Variants in CA5A observed in about 807,000 individuals in gnomAD.
CA5A encodes carbonic anhydrase 5A, mitochondrial.
A neutral mutation model predicts 37.1 loss-of-function variants in CA5A; 28 were observed. That is an observed-to-expected ratio of 0.75 (90% CI 0.56 to 1.03). The LOEUF (loss-of-function observed/expected upper bound fraction) is 1.03. CA5A is among the 50% of genes least tolerant of loss of function. The pLI is 0.00. For synonymous variants in CA5A, 171 were observed against 158.4 expected, an observed-to-expected ratio of 1.08 and a Z score of -0.60; for missense variants, 444 against 399.9, an observed-to-expected ratio of 1.11 and a Z score of -0.94.
intron 1 of CA5A, among the ~76,000 whole-genome samples, chr16:87,930,506 A>T (rs140148272): frequency 6.6e-6 from 1 of 152,086 alleles, no homozygotes; most frequent in Admixed American, 6.6e-5. Flanking sequence ...AATCCCATCA[A>T]CATCAGACCC....
At position 87,892,054 on chromosome 16, in the gene CA5A, G is replaced by A. The variant is rs1288984508; in HGVS notation, c.619-100C>T. On this transcript the variant is annotated intron_variant, in intron 5 of 6. Coordinates refer to ENST00000649794, the MANE Select transcript of CA5A (RefSeq NM_001739.2). ...AGGCCTTCATGGTGCTTGGAAGGAA[G>A]TGCTTTCCCCCAGATAAGGCCATGA... The A allele has an allele frequency of 2.8e-5, 32 of 1,160,934 alleles. 1 individual carries two copies. In the Admixed American group the frequency reaches 1.1e-3, roughly 41 times the overall value. 71.9% of individuals were successfully genotyped at this position (1,160,934 alleles called of 1,614,324 possible).
chr16:87,931,648 G>T (rs1257735373), intron 1 of CA5A, among the ~76,000 whole-genome samples: 1 of 152,172 alleles, frequency 6.6e-6, no homozygotes, highest in Admixed American at 6.5e-5. Flanking sequence ...GCCTTCCCAC[G>T]CATGATAGAC....
chr16:87,920,405 T>C (rs913658720), intron 2 of CA5A, among the ~76,000 whole-genome samples: 2 of 151,810 alleles, frequency 1.3e-5, no homozygotes, highest in Non-Finnish European at 2.9e-5. Flanking sequence ...CTCCGCCTCC[T>C]GGGTTCAAGC....
intron 2 of CA5A, among the ~76,000 whole-genome samples, chr16:87,914,242 C>T (rs371940001): frequency 1.6e-4 from 25 of 152,338 alleles, no homozygotes; most frequent in African/African-American, 4.6e-4. Context: ...GAGGAAGTCA[C>T]GGGTGACCAT....
chr16:87,916,521 G>A (rs2056145445), intron 2 of CA5A, among the ~76,000 whole-genome samples: 1 of 152,132 alleles, frequency 6.6e-6, no homozygotes, highest in Non-Finnish European at 1.5e-5. Flanking sequence ...CTCCCTCAGT[G>A]GAGTCACCGC....
chr16:87,921,748 C>T (rs4074725), intron 2 of CA5A, among the ~76,000 whole-genome samples: 61,864 of 152,046 alleles, frequency 0.41, 13,386 homozygotes, highest in Non-Finnish European at 0.46. Context: ...CACGGACTGG[C>T]GGGATCAGCG....
rs189218958 is a variant in CA5A, at chr16:87,902,026, G to C, written c.556-52C>G. 2.7e-6 allele frequency: 4 copies of C among 1,483,720 alleles called. No homozygotes were observed. In the African/African-American group the frequency reaches 5.5e-5, roughly 21 times the overall value. The allele number at this position is 1,483,720 out of a possible 1,614,324, so 91.9% of individuals were successfully genotyped here. On this transcript the variant is annotated intron_variant, in intron 4 of 6. Coordinates refer to ENST00000649794, the MANE Select transcript of CA5A (RefSeq NM_001739.2). ...GCTGCAAAGGCAGTGGATGGGGGGG[G>C]AAGCTCACTCCACTGTAAATACACC...
At chr16:87,918,274 G>A (rs8054534) in intron 2 of CA5A, among the ~76,000 whole-genome samples, 1,881 of 152,342 alleles carry the variant, frequency 0.012, 40 homozygotes, top group African/African-American at 0.043. Context: ...TTTAGGGAAT[G>A]AGCTGAGCTG....
rs1485200216 is a variant in CA5A at position 87,899,796 on chromosome 16, G to A, written c.618+2116C>T. Among the ~76,000 whole-genome samples the A allele has an allele frequency of 4.6e-5, 7 of 150,556 alleles. No homozygotes were observed. In the East Asian group the frequency reaches 8.0e-4, roughly 17 times the overall value. On this transcript the variant is annotated intron_variant, in intron 5 of 6. Transcript: ENST00000649794. ...TTAGCCAGGCATGGTGGTGGGCGCC[G>A]GTACTTCCAGCTACTCATGAGGTTG...
intron 5 of CA5A, chr16:87,893,699 A>G (rs2055759384): frequency 3.8e-6 from 2 of 532,688 alleles, no homozygotes; most frequent in East Asian, 9.5e-5. Flanking sequence ...TCCAGTTTAA[A>G]GGCAGATTTG....
At chr16:87,930,296 G>C (rs1158807422) in intron 1 of CA5A, among the ~76,000 whole-genome samples, 2 of 152,166 alleles carry the variant, frequency 1.3e-5, no homozygotes, top group African/African-American at 4.8e-5. Flanking sequence ...GCAGAGGGCC[G>C]GGGGCTGGAG....
At chr16:87,907,329 G>T (rs913046832) in intron 2 of CA5A, among the ~76,000 whole-genome samples, 2 of 152,124 alleles carry the variant, frequency 1.3e-5, no homozygotes, top group African/African-American at 4.8e-5. Flanking sequence ...CTTCTGCCTC[G>T]GCCTGTGTCT....
rs183774095 is a variant in CA5A at position 87,935,133 on chromosome 16, A to G, written c.142+1176T>C. Among the ~76,000 whole-genome samples the G allele has an allele frequency of 9.8e-5, 15 of 152,362 alleles. No homozygotes were observed. The East Asian group carries it at 2.9e-3, about 29-fold the overall frequency. ...CCTCAGCAAGCGTCAGTCGGACTGC[A>G]TGCCTGGGGTCTGGCTCCTAAGCCC... On this transcript the variant is annotated intron_variant, in intron 1 of 6. Coordinates refer to ENST00000649794, the MANE Select transcript of CA5A (RefSeq NM_001739.2).
intron 5 of CA5A, among the ~76,000 whole-genome samples, chr16:87,892,732 G>C (rs2055740368): frequency 6.8e-6 from 1 of 146,864 alleles, no homozygotes; most frequent in African/African-American, 2.5e-5. Flanking sequence ...GGAGTGCAAT[G>C]GTGTGATCTT....
chr16:87,892,434 C>T lies in CA5A; in HGVS notation c.619-480G>A, dbSNP rs2055731316. 2.0e-5 allele frequency among the ~76,000 whole-genome samples: 3 copies of T among 149,868 alleles called. No homozygotes were observed. The South Asian group carries it at 6.4e-4, about 32-fold the overall frequency. On this transcript the variant is annotated intron_variant, in intron 5 of 6. Coordinates refer to ENST00000649794, the MANE Select transcript of CA5A (RefSeq NM_001739.2). Reference sequence around the variant, plus strand: ...CTGAGGCAGGAGAATCGCTTGAGCCCAGGAGGCAGAGGTTGCAGTGAGCCG... The same window carrying T: ...CTGAGGCAGGAGAATCGCTTGAGCCTAGGAGGCAGAGGTTGCAGTGAGCCG...
chr16:87,919,018 G>A (rs1349070631), intron 2 of CA5A, among the ~76,000 whole-genome samples: 1 of 152,242 alleles, frequency 6.6e-6, no homozygotes, highest in Admixed American at 6.5e-5. Context: ...AGCCAAAGGA[G>A]GGATGACCCA....
At chr16:87,931,727 C>G (rs1004151263) in intron 1 of CA5A, among the ~76,000 whole-genome samples, 36 of 152,168 alleles carry the variant, frequency 2.4e-4, no homozygotes, top group Non-Finnish European at 4.4e-4. Context: ...ACAGAACTCG[C>G]TAAGTGCCGG....
chr16:87,887,479 A>G (rs1665417082), downstream of CA5A: 1 of 152,320 alleles, frequency 6.6e-6, no homozygotes, highest in African/African-American at 2.4e-5. Context: ...CAATAGTGTG[A>G]TCTTGGCTCA....
chr16:87,903,482 CA>C (rs1217650572), intron 3 of CA5A, among the ~76,000 whole-genome samples: 1 of 152,144 alleles, frequency 6.6e-6, no homozygotes, highest in Non-Finnish European at 1.5e-5. Context: ...TCATCAAAAA[CA>C]AAGTTGCAGA....
Sources: allele counts gnomAD v4.1 joint callset (sites outside exome capture counted in the v4.1 genomes callset), GRCh38; gene constraint gnomAD v4.1.1; transcripts MANE v1.5; gene names NCBI Gene and HGNC (gene_info 2026-07-23, HGNC 2026-07-21).